The following CDH20 variants were observed in gnomAD, a reference collection of about 807,000 sequenced individuals.
CDH20 encodes cadherin-20.
CDH20 carries 29 observed loss-of-function variants against 74.2 expected under a neutral mutation model. The ratio of observed to expected loss-of-function variants is 0.39; its 90% CI spans 0.29 to 0.53. The LOEUF (loss-of-function observed/expected upper bound fraction) is 0.53. Ranked by LOEUF, CDH20 falls within the 20% of genes least tolerant of loss-of-function variation. The pLI is 0.69. For synonymous variants in CDH20, 469 were observed against 405.4 expected (o/e 1.16, Z -1.88); for missense variants, 988 against 1,048.3 (o/e 0.94, Z 0.79).
At chr18:61,539,644 A>G (rs1912956175) in intron 9 of CDH20, among the ~76,000 whole-genome samples, 1 of 152,164 alleles carries the variant, frequency 6.6e-6, no homozygotes, top group South Asian at 2.1e-4. Flanking sequence ...AGGAGGAAAA[A>G]GCTACTCTTT....
intron 9 of CDH20, among the ~76,000 whole-genome samples, chr18:61,542,177 A>C (rs2144398639): frequency 6.6e-6 from 1 of 152,336 alleles, no homozygotes; most frequent in Admixed American, 6.5e-5. Flanking sequence ...TGGCACTACA[A>C]GCAAGCTGAA....
At chr18:61,432,351 C>A (rs540298449) in intron 1 of CDH20, among the ~76,000 whole-genome samples, 1 of 151,892 alleles carries the variant, frequency 6.6e-6, no homozygotes, top group Non-Finnish European at 1.5e-5. Context: ...ACACATATTT[C>A]CCAGCACCCC....
At chr18:61,421,356 TTCTC>T (rs1362991613) in intron 1 of CDH20, among the ~76,000 whole-genome samples, 1 of 152,152 alleles carries the variant, frequency 6.6e-6, no homozygotes, top group South Asian at 2.1e-4. Context: ...ATTCATAATA[TTCTC>T]TCTTATTATC....
At chr18:61,363,721 A>G (rs1248971541) in intron 1 of CDH20, among the ~76,000 whole-genome samples, 3 of 152,212 alleles carry the variant, frequency 2.0e-5, no homozygotes, top group Non-Finnish European at 2.9e-5. Flanking sequence ...AAGAAGGTCT[A>G]TAAAATTTTA....
At chr18:61,404,421 T>C (rs1912256411) in intron 1 of CDH20, among the ~76,000 whole-genome samples, 3 of 152,144 alleles carry the variant, frequency 2.0e-5, no homozygotes, top group African/African-American at 7.2e-5. Context: ...AAGGTCTGGT[T>C]AAGGAGGAAA....
chr18:61,416,986 G>A (rs1912707558), intron 1 of CDH20, among the ~76,000 whole-genome samples: 1 of 152,124 alleles, frequency 6.6e-6, no homozygotes, highest in Admixed American at 6.5e-5. Flanking sequence ...AAAATATAAA[G>A]CACCAGAAAA....
At chr18:61,340,484 A>G (rs1909912310) in intron 1 of CDH20, among the ~76,000 whole-genome samples, 1 of 152,146 alleles carries the variant, frequency 6.6e-6, no homozygotes, top group African/African-American at 2.4e-5. Context: ...TTTAGCTGGT[A>G]TCTTTGGACA....
At chr18:61,465,801 C>A (rs947518637) in intron 1 of CDH20, among the ~76,000 whole-genome samples, 1 of 151,710 alleles carries the variant, frequency 6.6e-6, no homozygotes, top group African/African-American at 2.4e-5. Context: ...AGTGACCCAC[C>A]AAGATATGGA....
In CDH20 at chr18:61,363,493, C is replaced by T. The variant is rs184976737; in HGVS notation, c.-153+29666C>T. ...AGACTAAACATAGATGAATAAGAGA[C>T]GTCAAGAAAATTAAAATATAGCATT... On this transcript the variant is annotated intron_variant, in intron 1 of 11. Transcript: ENST00000262717. 1.2e-4 allele frequency among the ~76,000 whole-genome samples: 19 copies of T among 152,170 alleles called. No individual in the cohort carries two copies. In the East Asian group the frequency reaches 1.5e-3, roughly 12 times the overall value.
intron 1 of CDH20, among the ~76,000 whole-genome samples, chr18:61,485,444 T>A (rs1910724788): frequency 6.6e-6 from 1 of 152,130 alleles, no homozygotes; most frequent in African/African-American, 2.4e-5. Flanking sequence ...CTTCTGACCC[T>A]GTTGGGAGTT....
chr18:61,413,813 T>C (rs1030051441), intron 1 of CDH20, among the ~76,000 whole-genome samples: 4 of 152,058 alleles, frequency 2.6e-5, no homozygotes, highest in Non-Finnish European at 5.9e-5. Flanking sequence ...AATGTGATGG[T>C]AACATGAAGC....
chr18:61,411,633 C>CCACA (rs138526165), intron 1 of CDH20, among the ~76,000 whole-genome samples: 50,445 of 143,014 alleles, frequency 0.35, 8,941 homozygotes, highest in East Asian at 0.55. Context: ...AGATATGTAT[C>CCACA]CACACACACA....
chr18:61,543,455 T>A (rs1194712721), intron 9 of CDH20, among the ~76,000 whole-genome samples: 1 of 152,172 alleles, frequency 6.6e-6, no homozygotes, highest in Non-Finnish European at 1.5e-5. Flanking sequence ...TGTAACCCCC[T>A]CAGCCTGCCA....
intron 2 of CDH20, among the ~76,000 whole-genome samples, chr18:61,492,151 T>C (rs1910981112): frequency 6.6e-6 from 1 of 152,136 alleles, no homozygotes; most frequent in Non-Finnish European, 1.5e-5. Context: ...TAAGAAACTC[T>C]TGTTTTTTTT....
intron 1 of CDH20, among the ~76,000 whole-genome samples, chr18:61,425,128 C>T (rs986761707): frequency 6.6e-6 from 1 of 151,358 alleles, no homozygotes; most frequent in African/African-American, 2.4e-5. Flanking sequence ...CCCTCCCTGC[C>T]CACTTCCTGA....
chr18:61,480,381 T>C (rs1167759903), intron 1 of CDH20, among the ~76,000 whole-genome samples: 1 of 152,220 alleles, frequency 6.6e-6, no homozygotes, highest in Non-Finnish European at 1.5e-5. Context: ...CCTGACGACA[T>C]GTGCCCGGGA....
intron 1 of CDH20, among the ~76,000 whole-genome samples, chr18:61,474,583 C>T (rs1269340642): frequency 6.6e-6 from 1 of 152,158 alleles, no homozygotes; most frequent in Non-Finnish European, 1.5e-5. Flanking sequence ...GTACAAGTGC[C>T]AAGATTCTCT....
intron 1 of CDH20, among the ~76,000 whole-genome samples, chr18:61,467,806 A>C (rs1195629246): frequency 6.6e-6 from 1 of 152,206 alleles, no homozygotes; most frequent in East Asian, 1.9e-4. Flanking sequence ...TTTGCCAAAA[A>C]ACACAGAAGT....
intron 1 of CDH20, among the ~76,000 whole-genome samples, chr18:61,473,195 C>T (rs1197656761): frequency 6.6e-6 from 1 of 152,160 alleles, no homozygotes; most frequent in African/African-American, 2.4e-5. Flanking sequence ...AGATTTTTAT[C>T]TCTCTCTTTA....
Sources: gnomAD v4.1 joint callset for allele counts (sites outside exome capture counted in the v4.1 genomes callset) on GRCh38, gnomAD v4.1.1 for gene constraint, MANE v1.5 for transcripts, NCBI Gene and HGNC (gene_info 2026-07-23, HGNC 2026-07-21) for gene names.